SLC1A2: variants seen among roughly 807,000 people sequenced by gnomAD.
SLC1A2 encodes the protein excitatory amino acid transporter 2.
In SLC1A2, 15 loss-of-function variants were observed where a neutral mutation model predicts 48.8. The ratio of observed to expected loss-of-function variants is 0.31; its 90% confidence interval spans 0.21 to 0.47. SLC1A2 has a LOEUF of 0.47. Ranked by LOEUF, SLC1A2 falls within the 20% of genes least tolerant of loss-of-function variation. The pLI is 0.99. For synonymous variants in SLC1A2, 279 were observed against 272.6 expected (o/e 1.02, Z -0.23); for missense variants, 502 against 730.5 (o/e 0.69, Z 3.61).
chr11:35,273,756 G>T (rs189650085), intron 9 of SLC1A2, among the ~76,000 whole-genome samples: 2 of 152,332 alleles, frequency 1.3e-5, no homozygotes, highest in East Asian at 1.9e-4. Context: ...CACAGGCTGG[G>T]CAGGGGAGAA....
chr11:35,268,864 A>C (rs1479883809), intron 9 of SLC1A2, among the ~76,000 whole-genome samples: 1 of 152,184 alleles, frequency 6.6e-6, no homozygotes, highest in Non-Finnish European at 1.5e-5. Flanking sequence ...AGGCGGTACC[A>C]TTCCAGAATC....
intron 1 of SLC1A2, among the ~76,000 whole-genome samples, chr11:35,365,112 T>C (rs180813815): frequency 1.3e-5 from 2 of 152,326 alleles, no homozygotes; most frequent in South Asian, 2.1e-4. Context: ...CCAGTTTTGT[T>C]TGCACAACAC....
chr11:35,330,093 G>A (rs759993089), intron 1 of SLC1A2, among the ~76,000 whole-genome samples: 6 of 152,148 alleles, frequency 3.9e-5, no homozygotes, highest in Non-Finnish European at 7.4e-5. Context: ...ACTTAATCAC[G>A]ACACTTACAG....
At chr11:35,405,077 C>CGCACTGTGAGGACTT (rs1855245603) in intron 1 of SLC1A2, among the ~76,000 whole-genome samples, 1 of 152,144 alleles carries the variant, frequency 6.6e-6, no homozygotes, top group South Asian at 2.1e-4. Context: ...TGTGAGGACT[C>CGCACTGTGAGGACTT]GCAGAGTCAA....
At chr11:35,353,777 T>C (rs968316162) in intron 1 of SLC1A2, among the ~76,000 whole-genome samples, 1 of 152,232 alleles carries the variant, frequency 6.6e-6, no homozygotes, top group Non-Finnish European at 1.5e-5. Flanking sequence ...TGTTAAATAG[T>C]ATTTAGGCAT....
intron 1 of SLC1A2, among the ~76,000 whole-genome samples, chr11:35,318,577 C>T (rs760858171): frequency 3.3e-4 from 50 of 152,140 alleles, no homozygotes; most frequent in Admixed American, 7.8e-4. Flanking sequence ...GGAACCAACA[C>T]CGAGCTGCAG....
At chr11:35,370,878 G>A in intron 1 of SLC1A2, 1 of 840,344 alleles carries the variant, frequency 1.2e-6, no homozygotes, top group Non-Finnish European at 1.4e-6. Context: ...ATGCTGAGTG[G>A]CCCAGGAAAA....
chr11:35,354,455 G>A (rs1853383618), intron 1 of SLC1A2, among the ~76,000 whole-genome samples: 1 of 152,072 alleles, frequency 6.6e-6, no homozygotes, highest in Non-Finnish European at 1.5e-5. Flanking sequence ...GCAAGACTAT[G>A]TTTCTTAAAA....
intron 1 of SLC1A2, among the ~76,000 whole-genome samples, chr11:35,325,353 T>C (rs1852205838): frequency 6.6e-6 from 1 of 152,198 alleles, no homozygotes; most frequent in African/African-American, 2.4e-5. Context: ...GCCTGTGCTC[T>C]CAAGGCATTT....
chr11:35,367,206 A>G (rs1853879921), intron 1 of SLC1A2, among the ~76,000 whole-genome samples: 1 of 152,214 alleles, frequency 6.6e-6, no homozygotes, highest in Non-Finnish European at 1.5e-5. Flanking sequence ...ATTGGTGAGC[A>G]CCTACAATAA....
At chr11:35,309,139 A>G (rs537145660) in intron 4 of SLC1A2, among the ~76,000 whole-genome samples, 9 of 152,212 alleles carry the variant, frequency 5.9e-5, no homozygotes, top group African/African-American at 2.2e-4. Context: ...TATCTCCCCT[A>G]GTTACCACCA....
chr11:35,343,913 T>C (rs1852935015), intron 1 of SLC1A2, among the ~76,000 whole-genome samples: 1 of 152,070 alleles, frequency 6.6e-6, no homozygotes, highest in Admixed American at 6.6e-5. Context: ...CATTGTGAAA[T>C]CCCTTGAAAA....
In SLC1A2 at chr11:35,289,069, G is replaced by T. The variant is rs74787428; in HGVS notation, c.1092-2118C>A. 2.3e-3 allele frequency among the ~76,000 whole-genome samples: 355 copies of T among 152,294 alleles called. 15 individuals carry two copies. In the East Asian group the frequency reaches 0.063, roughly 27 times the overall value. ...CCTTCAAATGTTGCTAATAATAACT[G>T]TCAGATATTTGAAATGCTTCTTTTG... is the stretch of plus-strand genomic sequence containing the variant. On this transcript the variant is annotated intron_variant, in intron 7 of 10. Transcript: ENST00000278379.
chr11:35,391,046 C>T (rs1409851144), intron 1 of SLC1A2: 1 of 152,184 alleles, frequency 6.6e-6, no homozygotes, highest in East Asian at 1.9e-4. Context: ...AGTATTCTAT[C>T]TGTGGCCTCT....
At chr11:35,331,772 T>C (rs1346161794) in intron 1 of SLC1A2, among the ~76,000 whole-genome samples, 3 of 152,206 alleles carry the variant, frequency 2.0e-5, no homozygotes, top group African/African-American at 4.8e-5. Flanking sequence ...ATGTTGTCTC[T>C]TCGAATAATC....
At position 35,312,297 on chromosome 11, in the gene SLC1A2, C is replaced by T. The variant is rs1565233964; in HGVS notation, c.462G>A (p.Gly154=). The T allele has an allele frequency of 6.2e-7, 1 of 1,614,106 alleles. No homozygotes were observed. The highest frequency in any genetic ancestry group is 2.2e-5 in the East Asian group (1 of 44,886). ...ACACTTCATCATTCTTCTTCCCAGGCCCCAGCTGCTTCTTGAGCTTGGGAT... is the reference window on the plus strand; with the variant it reads ...ACACTTCATCATTCTTCTTCCCAGGTCCCAGCTGCTTCTTGAGCTTGGGAT... The part of the protein sequence containing the change: ...PGNPKLKKQL[G]PGKKNDEVSS... The change falls in exon 4 of 11, where the codon GGG becomes GGA. Residue 154 remains glycine (G), a synonymous_variant. Coordinates refer to ENST00000278379, the MANE Select transcript of SLC1A2 (RefSeq NM_004171.4).
At position 35,278,180 on chromosome 11, in the gene SLC1A2, G is replaced by A. The variant is rs574085954; in HGVS notation, c.1421+2687C>T. On this transcript the variant is annotated intron_variant, in intron 9 of 10. Coordinates refer to ENST00000278379, the MANE Select transcript of SLC1A2 (RefSeq NM_004171.4). The stretch of plus-strand genomic sequence containing the variant: ...TCCTGAGCATTTTCTGATGATGAAG[G>A]AGCCAATCAGGAAAATCTATGGCCT... Among the ~76,000 whole-genome samples, 3 of 152,068 alleles carry A rather than the reference G, an allele frequency of 2.0e-5. No individual in the cohort carries two copies. In the East Asian group the frequency reaches 5.8e-4, roughly 29 times the overall value.
intron 1 of SLC1A2, among the ~76,000 whole-genome samples, chr11:35,355,869 A>G (rs1156348100): frequency 6.7e-6 from 1 of 148,474 alleles, no homozygotes; most frequent in Non-Finnish European, 1.5e-5. Flanking sequence ...TAGGCAACAG[A>G]GCAAGACTCC....
At chr11:35,298,537 A>T (rs4756208) in intron 6 of SLC1A2, 85,142 of 152,080 alleles carry the variant, frequency 0.56, 25,811 homozygotes, top group East Asian at 0.74. Context: ...CAGTGAAAGA[A>T]TTAAAGAAAT....
Sources: gnomAD v4.1 joint callset for allele counts (sites outside exome capture counted in the v4.1 genomes callset) on GRCh38, gnomAD v4.1.1 for gene constraint, MANE v1.5 for transcripts, NCBI Gene and HGNC (gene_info 2026-07-23, HGNC 2026-07-21) for gene names.